The following MICAL2 variants were observed in gnomAD, a reference collection of about 807,000 sequenced individuals.
MICAL2 encodes the protein [F-actin]-monooxygenase MICAL2.
In MICAL2, 77 loss-of-function variants were observed where a neutral mutation model predicts 127.3. The ratio of observed to expected loss-of-function variants is 0.60; its 90% CI spans 0.50 to 0.73. The LOEUF (loss-of-function observed/expected upper bound fraction) is 0.73, where lower values mean the gene tolerates loss of function less well. Ranked by LOEUF, MICAL2 falls within the 30% of genes least tolerant of loss-of-function variation. The pLI is 0.00. For missense variants in MICAL2, 1,351 were observed against 1,434.4 expected (o/e 0.94, Z 0.94); for synonymous variants, 570 against 551.1 (o/e 1.03, Z -0.48).
intron 29 of MICAL2, among the ~76,000 whole-genome samples, chr11:12,311,877 T>A (rs1169325064): frequency 6.6e-6 from 1 of 152,164 alleles, no homozygotes; most frequent in Non-Finnish European, 1.5e-5. Context: ...AGAACTGTTT[T>A]TGTGGAACGT....
At chr11:12,273,670 G>A (rs1863696053), upstream of MICAL2, among the ~76,000 whole-genome samples, 1 of 152,042 alleles carries the variant, frequency 6.6e-6, no homozygotes, top group Admixed American at 6.6e-5. Context: ...CTCCCAGAGA[G>A]AACACATGGG....
At chr11:12,187,955 G>C (rs7106978) in intron 3 of MICAL2, among the ~76,000 whole-genome samples, 2,974 of 152,240 alleles carry the variant, frequency 0.02, 108 homozygotes, top group African/African-American at 0.067. Context: ...GGACCCCAGA[G>C]GTTGTCTGTG....
At chr11:12,268,993 G>A (rs1051939734) in intron 24 of MICAL2, among the ~76,000 whole-genome samples, 9 of 151,654 alleles carry the variant, frequency 5.9e-5, no homozygotes, top group South Asian at 2.1e-4. Context: ...GCGAGACTCC[G>A]TCTCAAAGGA....
intron 3 of MICAL2, among the ~76,000 whole-genome samples, chr11:12,165,727 T>C (rs955215086): frequency 1.3e-5 from 2 of 152,188 alleles, no homozygotes; most frequent in Non-Finnish European, 2.9e-5. Context: ...TATACACACG[T>C]GCGTGTGACA....
intron 32 of MICAL2, among the ~76,000 whole-genome samples, chr11:12,339,944 G>A (rs1415074158): frequency 6.6e-6 from 1 of 152,196 alleles, no homozygotes; most frequent in African/African-American, 2.4e-5. Flanking sequence ...CAAGCTGTGT[G>A]CTGGGAGAAC....
intron 1 of MICAL2, among the ~76,000 whole-genome samples, chr11:12,129,367 G>A (rs529812292): frequency 1.9e-4 from 29 of 152,156 alleles, no homozygotes; most frequent in African/African-American, 5.8e-4. Flanking sequence ...TACCCTGTGC[G>A]GTTACTGGGT....
intron 30 of MICAL2, among the ~76,000 whole-genome samples, chr11:12,320,118 G>A (rs554499454): frequency 3.3e-5 from 5 of 152,186 alleles, no homozygotes; most frequent in East Asian, 1.9e-4. Context: ...GCAAACCATC[G>A]AAAACATTAC....
intron 16 of MICAL2, 72 bp from the exon 17 acceptor site, chr11:12,239,364 A>T (rs1859547205): frequency 6.2e-7 from 1 of 1,601,112 alleles, no homozygotes. Context: ...CCACGTCCTG[A>T]GTCCCCAAGT....
rs748214505 is a variant in MICAL2, at chr11:12,244,127, C to T, written c.2784+15C>T. 1.2e-6 allele frequency: 2 copies of T among 1,614,176 alleles called. No homozygotes were observed. Among genetic ancestry groups the T allele is most frequent in the South Asian group, 2.2e-5 (2 of 91,086 alleles). ...CTGCCAGAAAGGTAGTTGTCCTGAA[C>T]AATTTGCTTTCCCTATTCCCTGCAT... On this transcript the variant is annotated intron_variant, in intron 21 of 27. Coordinates refer to ENST00000683283, the MANE Select transcript of MICAL2 (RefSeq NM_001282663.2).
intron 16 of MICAL2, 125 bp from the exon 17 acceptor site, chr11:12,239,311 C>T: frequency 2.2e-6 from 3 of 1,346,044 alleles, no homozygotes; most frequent in Non-Finnish European, 3.2e-6. Context: ...CTCTGCCTCC[C>T]TTCCTCAGAC....
intron 2 of MICAL2, among the ~76,000 whole-genome samples, chr11:12,155,097 A>T (rs78488018): frequency 6.6e-6 from 1 of 152,120 alleles, no homozygotes; most frequent in Non-Finnish European, 1.5e-5. Context: ...GGGCGGTGCA[A>T]GCTGAGGGCT....
At chr11:12,249,127 A>T in intron 21 of MICAL2, 57 bp from the exon 22 acceptor site, 1 of 1,609,360 alleles carries the variant, frequency 6.2e-7, no homozygotes, top group Non-Finnish European at 8.5e-7. Flanking sequence ...AGTGGAAGAG[A>T]ATTCGGAAAG....
At chr11:12,358,520 G>A (rs16911185), downstream of MICAL2, 27,728 of 1,594,662 alleles carry the variant, frequency 0.017, 3,808 homozygotes, top group African/African-American at 0.31. Context: ...CGTTGGGACC[G>A]GATCAGGCCA....
chr11:12,180,871 G>A (rs1368834373), intron 3 of MICAL2, among the ~76,000 whole-genome samples: 1 of 149,952 alleles, frequency 6.7e-6, no homozygotes, highest in Non-Finnish European at 1.5e-5. Flanking sequence ...GATCTTGGGT[G>A]ATAAGGATAC....
At chr11:12,157,647 G>A (rs1342515186) in intron 2 of MICAL2, among the ~76,000 whole-genome samples, 3 of 152,212 alleles carry the variant, frequency 2.0e-5, no homozygotes, top group Non-Finnish European at 4.4e-5. Context: ...CAGCTGGGTG[G>A]TGGTTAACAA....
chr11:12,132,588 C>T (rs2133563107), intron 1 of MICAL2, among the ~76,000 whole-genome samples: 1 of 152,344 alleles, frequency 6.6e-6, no homozygotes, highest in African/African-American at 2.4e-5. Flanking sequence ...AAGAGAATAG[C>T]CATTAGCTGC....
chr11:12,348,316 T>G (rs1001849694), intron 32 of MICAL2, among the ~76,000 whole-genome samples: 2 of 152,236 alleles, frequency 1.3e-5, no homozygotes, highest in African/African-American at 4.8e-5. Flanking sequence ...AGCAAATTTG[T>G]GTTTTTTGGA....
At chr11:12,138,553 C>T (rs551140756) in intron 2 of MICAL2, 93 bp downstream of exon 2, 1 of 152,398 alleles carries the variant, frequency 6.6e-6, no homozygotes, top group South Asian at 2.1e-4. Context: ...TTCCCACCAT[C>T]CTGGGGCAGC....
intron 1 of MICAL2, among the ~76,000 whole-genome samples, chr11:12,126,959 A>G (rs980897918): frequency 4.6e-5 from 7 of 152,112 alleles, no homozygotes; most frequent in African/African-American, 1.7e-4. Flanking sequence ...AGTTGGGAGT[A>G]AGAAGAGAGC....
Sources: allele counts gnomAD v4.1 joint callset (sites outside exome capture counted in the v4.1 genomes callset), GRCh38; gene constraint gnomAD v4.1.1; transcripts MANE v1.5; gene names NCBI Gene and HGNC (gene_info 2026-07-23, HGNC 2026-07-21).